Variants in LRP4 observed in about 807,000 individuals in gnomAD.
LRP4 encodes the protein low-density lipoprotein receptor-related protein 4.
Under a neutral mutation model 220.3 loss-of-function variants are expected in LRP4, and 95 were observed. The ratio of observed to expected loss-of-function variants is 0.43; its 90% CI spans 0.37 to 0.51. The LOEUF (loss-of-function observed/expected upper bound fraction) is 0.51. Ranked by LOEUF, LRP4 falls within the 20% of genes least tolerant of loss-of-function variation. The pLI, the probability that LRP4 is intolerant of heterozygous loss-of-function variation, is 0.00. For missense variants in LRP4, 1,925 were observed against 2,567.0 expected, an observed-to-expected ratio of 0.75 and a Z score of 5.40; for synonymous variants, 903 against 954.6, an observed-to-expected ratio of 0.95 and a Z score of 1.00.
intron 20 of LRP4, among the ~76,000 whole-genome samples, chr11:46,879,926 G>A (rs1230665341): frequency 2.0e-5 from 3 of 152,160 alleles, no homozygotes; most frequent in South Asian, 2.1e-4. Context: ...CCAACATGGC[G>A]AAACCCTGTC....
rs1431817175 is a variant in LRP4 at position 46,873,191 on chromosome 11, G to A, written c.4492C>T (p.Arg1498Trp). Residue 1498 changes from arginine (R) to tryptophan (W), a missense_variant, in exon 30 of 38, where the codon CGG becomes TGG. Arg to Trp is a moderately radical substitution (Grantham distance 101). Coordinates refer to ENST00000378623, the MANE Select transcript of LRP4 (RefSeq NM_002334.4). This position sits in a 1 kb window ranked among gnomAD's most constrained non-coding sequence, Gnocchi z 4.2. ...CGCTCAGAACCATCCAAGTTTGCCC[G>A]TTCGATCTTGGCAATGTGGCCCCAG... ...TDWGHIAKIERANLDGSERKV... is the reference protein window; with the variant it reads ...TDWGHIAKIEWANLDGSERKV... 2.5e-6 allele frequency: 4 copies of A among 1,614,152 alleles called. No individual in the cohort carries two copies. The highest frequency in any genetic ancestry group is 2.2e-5 in the East Asian group (1 of 44,880).
intron 13 of LRP4, among the ~76,000 whole-genome samples, chr11:46,892,163 A>G (rs1378580427): frequency 2.0e-5 from 3 of 152,008 alleles, no homozygotes; most frequent in Non-Finnish European, 4.4e-5. Context: ...GAACTCCTGG[A>G]CTCAAGTGAT....
In LRP4 at chr11:46,899,648, G is replaced by A. The variant is rs1351350418; in HGVS notation, c.431-145C>T. On this transcript the variant is annotated intron_variant, in intron 4 of 37. Coordinates refer to ENST00000378623, the MANE Select transcript of LRP4 (RefSeq NM_002334.4). This position sits in a 1 kb window ranked among gnomAD's most constrained non-coding sequence, Gnocchi z 5.9. Reference sequence around the variant, plus strand: ...CCCAGAGTCAGTGCAGACTCTCCAGGGAGAACGGAGGCCCTGGAGAGACTG... The same window carrying A: ...CCCAGAGTCAGTGCAGACTCTCCAGAGAGAACGGAGGCCCTGGAGAGACTG... 6.6e-6 allele frequency: 5 copies of A among 760,414 alleles called. No homozygotes were observed. Among genetic ancestry groups the A allele is most frequent in the Non-Finnish European group, 1.2e-5 (5 of 430,732 alleles). 47.1% of individuals were successfully genotyped at this position (760,414 alleles called of 1,614,324 possible).
Position 46,896,337 on chromosome 11 carries a change from TAGAG to T in LRP4, c.923-6_923-3del. The T allele has an allele frequency of 6.2e-7, 1 of 1,613,414 alleles. No individual in the cohort carries two copies. The highest frequency in any genetic ancestry group is 8.5e-7 in the Non-Finnish European group (1 of 1,179,966). ...GGTCCAAGGCACATTGGGGGCTTCC[TAGAG>T]AGATGGAGGGTCAGGTCATAGCAAG... On this transcript the variant is annotated splice_polypyrimidine_tract_variant and splice_region_variant and intron_variant, in intron 8 of 37. Coordinates refer to ENST00000378623, the MANE Select transcript of LRP4 (RefSeq NM_002334.4).
chr11:46,883,828 G>C, intron 19 of LRP4, 43 bp downstream of exon 19: 1 of 1,424,724 alleles, frequency 7.0e-7, no homozygotes. Flanking sequence ...CTCAGATCTT[G>C]GGAGGGGTGG....
chr11:46,872,889 A>G (rs998033787), intron 30 of LRP4, among the ~76,000 whole-genome samples: 1 of 152,262 alleles, frequency 6.6e-6, no homozygotes, highest in Non-Finnish European at 1.5e-5. Flanking sequence ...AATTAGGAAC[A>G]TGTAAACCAG....
At chr11:46,881,136 G>A (rs1355548968) in intron 20 of LRP4, among the ~76,000 whole-genome samples, 1 of 143,302 alleles carries the variant, frequency 7.0e-6, no homozygotes, top group African/African-American at 2.5e-5. Flanking sequence ...TCATTGTACT[G>A]TGGTGATGTA....
chr11:46,875,780 A>AAGC lies in LRP4; in HGVS notation c.3699+21_3699+23dup. 1 of 1,613,966 alleles carries AAGC rather than the reference A, an allele frequency of 6.2e-7. No individual in the cohort carries two copies. The highest frequency in any genetic ancestry group is 8.5e-7 in the Non-Finnish European group (1 of 1,179,992). ...TTTCCCATCTTCCCAGGCTCCTGGG[A>AAGC]AGCAGCAGGGACACGGCTCTCACCT... On this transcript the variant is annotated intron_variant, in intron 26 of 37. Coordinates refer to ENST00000378623, the MANE Select transcript of LRP4 (RefSeq NM_002334.4). The surrounding 1 kb of genome is among the most constrained non-coding windows in gnomAD (Gnocchi z 4.5).
chr11:46,866,769 A>C, intron 34 of LRP4, among the ~76,000 whole-genome samples: 1 of 152,022 alleles, frequency 6.6e-6, no homozygotes, highest in Non-Finnish European at 1.5e-5. Flanking sequence ...AAGTACAAAA[A>C]ATTAGCCAGG....
chr11:46,898,698 TGTCTCTAGCCA>T, intron 6 of LRP4, 21 bp from the exon 7 acceptor site: 1 of 1,613,594 alleles, frequency 6.2e-7, no homozygotes, highest in Non-Finnish European at 8.5e-7. Context: ...ACAAGACTTC[TGTCTCTAGCCA>T]GTCTGTGCAG....
Position 46,892,921 on chromosome 11 carries a change from G to C in LRP4, c.1697+52C>G, listed in dbSNP as rs1324171554. The C allele has an allele frequency of 3.7e-6, 6 of 1,600,356 alleles. No individual in the cohort carries two copies. In the Admixed American group the frequency reaches 1.0e-4, roughly 27 times the overall value. On this transcript the variant is annotated intron_variant, in intron 13 of 37. Coordinates refer to ENST00000378623, the MANE Select transcript of LRP4 (RefSeq NM_002334.4). Reference sequence around the variant, plus strand: ...AGAATGTCTAGTCCAGGTAGCCTGGGAGCTGTCCCGAGAGGTTGCAAGAAA... The same window carrying C: ...AGAATGTCTAGTCCAGGTAGCCTGGCAGCTGTCCCGAGAGGTTGCAAGAAA...
At chr11:46,889,779 T>C (rs1321118384) in intron 15 of LRP4, 165 bp downstream of exon 15, 2 of 863,118 alleles carry the variant, frequency 2.3e-6, no homozygotes, top group Non-Finnish European at 3.7e-6. Context: ...CTTGTTGTAC[T>C]GCCCCGAATG....
chr11:46,890,337 G>A lies in LRP4; in HGVS notation c.1855C>T (p.His619Tyr). The change falls in exon 14 of 38, where the codon CAC becomes TAC. Residue 619 changes from histidine (H) to tyrosine (Y), a missense_variant. This residue lies in a region of LRP4 where 269 missense variants were observed against 436.7 expected (regional missense o/e 0.62). Coordinates refer to ENST00000378623, the MANE Select transcript of LRP4 (RefSeq NM_002334.4). This position sits in a 1 kb window ranked among gnomAD's most constrained non-coding sequence, Gnocchi z 5.3. ...GRRMYWVDAK[H>Y]HVIERANLDG... ...AGATTGGCCCTCTCGATGACATGGT[G>A]CTTAGCATCCACCCAGTACATACGG... 1.9e-6 allele frequency: 3 copies of A among 1,614,138 alleles called. No individual in the cohort carries two copies. The highest frequency in any genetic ancestry group is 1.7e-6 in the Non-Finnish European group (2 of 1,180,038).
At chr11:46,914,987 G>C (rs1029214127) in intron 1 of LRP4, among the ~76,000 whole-genome samples, 1 of 152,136 alleles carries the variant, frequency 6.6e-6, no homozygotes, top group Non-Finnish European at 1.5e-5. Flanking sequence ...TTCTTTGCTG[G>C]CCCAGAAGAT....
intron 16 of LRP4, 56 bp from the exon 17 acceptor site, chr11:46,886,589 C>A: frequency 7.0e-7 from 1 of 1,426,406 alleles, no homozygotes. Flanking sequence ...AGAACAGTGA[C>A]AGACACAGAC....
Position 46,873,660 on chromosome 11 carries a change from T to G in LRP4, c.4230-67A>C. On this transcript the variant is annotated intron_variant, in intron 28 of 37. Coordinates refer to ENST00000378623, the MANE Select transcript of LRP4 (RefSeq NM_002334.4). This position sits in a 1 kb window ranked among gnomAD's most constrained non-coding sequence, Gnocchi z 4.2. ...CAGAATAGAGTAGAACTTTAACCCA[T>G]GTTCCCATAACTGGACCCCACTGAA... The G allele has an allele frequency of 2.9e-6, 4 of 1,360,546 alleles. No homozygotes were observed. Among genetic ancestry groups the G allele is most frequent in the Non-Finnish European group, 4.1e-6 (4 of 970,656 alleles). 84.3% of individuals were successfully genotyped at this position (1,360,546 alleles called of 1,614,324 possible).
rs761112628 is a variant in LRP4, at chr11:46,869,122, C to G, written c.4703G>C (p.Trp1568Ser). Residue 1568 changes from tryptophan (W) to serine (S), a missense_variant, in exon 32 of 38, where the codon TGG (tryptophan) becomes TCG (serine). Physicochemically the swap from Trp to Ser is radical, Grantham distance 177. Around this residue, in one of 3 missense-constraint regions of LRP4, gnomAD observed 1,244 missense variants for 1,624.9 expected, o/e 0.77. Coordinates refer to ENST00000378623, the MANE Select transcript of LRP4 (RefSeq NM_002334.4). ...GGTCTGCCAGTCTGTCCAGTAGATC[C>G]ACCTGTCTTGCTACTCAACAGGGGA... The part of the protein sequence containing the change: ...HPFALTQQDR[W>S]IYWTDWQTKS... 2 of 1,614,126 alleles carry G rather than the reference C, an allele frequency of 1.2e-6. No homozygotes were observed. The highest frequency in any genetic ancestry group is 2.2e-5 in the South Asian group (2 of 91,070).
Position 46,902,857 on chromosome 11 carries a change from C to T in LRP4, c.125G>A (p.Cys42Tyr). ...CTGCCACTGGGCAGGGATGCAGGTA[C>T]ACTCTCCAAGAGCACTCACTGCACA... ...FTCAVSALGE[C>Y]TCIPAQWQCD... The change falls in exon 2 of 38, where the codon TGT (cysteine) becomes TAT (tyrosine). Residue 42 changes from cysteine to tyrosine, a missense_variant. Coordinates refer to ENST00000378623, the MANE Select transcript of LRP4 (RefSeq NM_002334.4). 1 of 1,614,156 alleles carries T rather than the reference C, an allele frequency of 6.2e-7. No individual in the cohort carries two copies. The highest frequency in any genetic ancestry group is 8.5e-7 in the Non-Finnish European group (1 of 1,180,040).
chr11:46,914,179 A>G (rs1026812042), intron 1 of LRP4, among the ~76,000 whole-genome samples: 1 of 151,956 alleles, frequency 6.6e-6, no homozygotes, highest in African/African-American at 2.4e-5. Flanking sequence ...CTATGTGATA[A>G]TCTATTACTA....
Sources: allele counts gnomAD v4.1 joint callset (sites outside exome capture counted in the v4.1 genomes callset), GRCh38; gene constraint gnomAD v4.1.1; regional missense constraint gnomAD v4.1.1; non-coding constraint Gnocchi (gnomAD v3.1); transcripts MANE v1.5; gene names NCBI Gene and HGNC (gene_info 2026-07-23, HGNC 2026-07-21).